The following ANO10 variants were observed in gnomAD, a reference collection of about 807,000 sequenced individuals.
ANO10 encodes anoctamin 10.
ANO10 carries 77 observed loss-of-function variants against 74.7 expected under a neutral mutation model. The observed-to-expected ratio is 1.03, with a 90% confidence interval of 0.86 to 1.25. The LOEUF is 1.25. Ranked by LOEUF, ANO10 falls within the 50% of genes most tolerant of loss-of-function variation. The pLI is 0.00. For missense variants in ANO10, 721 were observed against 778.1 expected, an observed-to-expected ratio of 0.93 and a Z score of 0.87; for synonymous variants, 279 against 284.9, an observed-to-expected ratio of 0.98 and a Z score of 0.21.
intron 1 of ANO10, among the ~76,000 whole-genome samples, chr3:43,682,681 A>G (rs1320727279): frequency 2.0e-5 from 3 of 152,358 alleles, no homozygotes; most frequent in African/African-American, 4.8e-5. Context: ...AAAATCCTCA[A>G]TAAAATACTG....
chr3:43,687,642 G>C (rs1372168120), intron 1 of ANO10, among the ~76,000 whole-genome samples: 1 of 152,156 alleles, frequency 6.6e-6, no homozygotes, highest in Non-Finnish European at 1.5e-5. Context: ...GTACAAAGTA[G>C]GTACTGGCGA....
At chr3:43,415,669 G>A (rs1428784900) in intron 12 of ANO10, among the ~76,000 whole-genome samples, 1 of 151,974 alleles carries the variant, frequency 6.6e-6, no homozygotes, top group East Asian at 1.9e-4. Context: ...AGCCTCCCAA[G>A]TAGCTGGGAT....
At chr3:43,547,963 C>T (rs1559680702) in intron 11 of ANO10, among the ~76,000 whole-genome samples, 1 of 152,180 alleles carries the variant, frequency 6.6e-6, no homozygotes, top group Non-Finnish European at 1.5e-5. Context: ...CATGAGAGAG[C>T]TCTGCTCTGT....
intron 4 of ANO10, among the ~76,000 whole-genome samples, chr3:43,589,656 TAG>T (rs1240364978): frequency 6.6e-6 from 1 of 152,192 alleles, no homozygotes; most frequent in Non-Finnish European, 1.5e-5. Flanking sequence ...GCAATCACTA[TAG>T]AGAGCAATTT....
chr3:43,428,360 C>G (rs1035255069), intron 12 of ANO10, among the ~76,000 whole-genome samples: 2 of 151,978 alleles, frequency 1.3e-5, no homozygotes, highest in African/African-American at 4.8e-5. Context: ...AACCCTGAAC[C>G]TTTAATTCTC....
chr3:43,457,757 C>A (rs999216627), intron 11 of ANO10, among the ~76,000 whole-genome samples: 1 of 152,124 alleles, frequency 6.6e-6, no homozygotes, highest in African/African-American at 2.4e-5. Flanking sequence ...AAATTACTTT[C>A]TAAAATAAAA....
At chr3:43,386,648 C>CGTGT (rs36065814) in intron 12 of ANO10, among the ~76,000 whole-genome samples, 37,399 of 139,722 alleles carry the variant, frequency 0.27, 5,114 homozygotes, top group Non-Finnish European at 0.3. Flanking sequence ...TAGGTGTGTA[C>CGTGT]GTGTGTGTGT....
intron 12 of ANO10, among the ~76,000 whole-genome samples, chr3:43,367,488 A>T (rs916974240): frequency 1.3e-5 from 2 of 152,138 alleles, no homozygotes; most frequent in Admixed American, 6.5e-5. Context: ...GATGTTTCTC[A>T]CCAGCCTTTT....
intron 4 of ANO10, among the ~76,000 whole-genome samples, chr3:43,580,686 T>G (rs1303057476): frequency 6.6e-6 from 1 of 152,136 alleles, no homozygotes; most frequent in Non-Finnish European, 1.5e-5. Context: ...AATATAAAAT[T>G]TTAAACCATA....
intron 11 of ANO10, among the ~76,000 whole-genome samples, chr3:43,549,476 C>A (rs939056204): frequency 3.9e-5 from 6 of 152,082 alleles, no homozygotes; most frequent in Admixed American, 6.6e-5. Context: ...ACTGGGCAGG[C>A]CAGCATAATA....
intron 1 of ANO10, among the ~76,000 whole-genome samples, chr3:43,688,508 T>C (rs1335351216): frequency 6.6e-6 from 1 of 152,318 alleles, no homozygotes; most frequent in South Asian, 2.1e-4. Context: ...TATCTATTGT[T>C]CCTTGTATAA....
At chr3:43,463,221 C>T (rs541404746) in intron 11 of ANO10, among the ~76,000 whole-genome samples, 2 of 152,298 alleles carry the variant, frequency 1.3e-5, no homozygotes, top group Admixed American at 1.3e-4. Flanking sequence ...CCTGGAAAAG[C>T]TGCAGACACT....
Position 43,504,305 on chromosome 3 carries a change from T to C in ANO10, c.1797+45415A>G, listed in dbSNP as rs533898560. 8.5e-5 allele frequency among the ~76,000 whole-genome samples: 10 copies of C among 118,044 alleles called. No individual in the cohort carries two copies. In the East Asian group the frequency reaches 2.2e-3, roughly 26 times the overall value. The allele number at this position is 118,044 out of a possible 152,430, so 77.4% of individuals were successfully genotyped here. A position where few individuals can be genotyped will look rare whatever the true frequency, so the allele number is the denominator to read the frequency against. The stretch of plus-strand genomic sequence containing the variant: ...ATAGGTAGGTAGGTAGGTAGGTAGA[T>C]AGATAGATAGATAGATAGATAGATA... On this transcript the variant is annotated intron_variant, in intron 11 of 12. Coordinates refer to ENST00000292246, the MANE Select transcript of ANO10 (RefSeq NM_018075.5).
rs1462154148 is a variant in ANO10, at chr3:43,473,847, T to C, written c.1798-41120A>G. On this transcript the variant is annotated intron_variant, in intron 11 of 12. Transcript: ENST00000292246. ...TTGGGTGGGGTTGTGGGGAAGGCTA[T>C]ACAAAGAAAATTACAACCCCTGAAG... is the stretch of plus-strand genomic sequence containing the variant. Among the ~76,000 whole-genome samples the C allele has an allele frequency of 2.0e-5, 3 of 152,120 alleles. No homozygotes were observed. The East Asian group carries it at 5.8e-4, about 29-fold the overall frequency.
chr3:43,672,749 C>G (rs948519444), intron 1 of ANO10, among the ~76,000 whole-genome samples: 6 of 152,012 alleles, frequency 3.9e-5, no homozygotes, highest in Admixed American at 3.9e-4. Context: ...CCTGTGAAAC[C>G]TTAAGTTTTT....
intron 11 of ANO10, among the ~76,000 whole-genome samples, chr3:43,522,143 A>G (rs2077985320): frequency 6.6e-6 from 1 of 152,098 alleles, no homozygotes; most frequent in African/African-American, 2.4e-5. Context: ...GACTAGGGGA[A>G]GGGGGAAATG....
chr3:43,681,498 C>T (rs1026349398), intron 1 of ANO10, among the ~76,000 whole-genome samples: 10 of 152,094 alleles, frequency 6.6e-5, no homozygotes, highest in Non-Finnish European at 1.5e-4. Context: ...TTACACCCAC[C>T]GTCAACATTA....
At chr3:43,674,609 T>C (rs1035842450) in intron 1 of ANO10, among the ~76,000 whole-genome samples, 1 of 152,194 alleles carries the variant, frequency 6.6e-6, no homozygotes, top group Non-Finnish European at 1.5e-5. Flanking sequence ...ACAGTTTGGG[T>C]TCTCTAAGAA....
At chr3:43,596,249 T>C (rs1217018753) in intron 4 of ANO10, among the ~76,000 whole-genome samples, 3 of 152,100 alleles carry the variant, frequency 2.0e-5, no homozygotes, top group African/African-American at 7.2e-5. Flanking sequence ...CTTCACAGAA[T>C]TGGAAAAAAC....
Sources: allele counts gnomAD v4.1 joint callset (sites outside exome capture counted in the v4.1 genomes callset), GRCh38; gene constraint gnomAD v4.1.1; transcripts MANE v1.5; gene names NCBI Gene and HGNC (gene_info 2026-07-23, HGNC 2026-07-21).